The following SMCHD1 variants were observed in gnomAD, a reference collection of about 807,000 sequenced individuals.
SMCHD1 encodes structural maintenance of chromosomes flexible hinge domain containing 1.
SMCHD1 carries 78 observed loss-of-function variants against 254.7 expected under a neutral mutation model. That is an observed-to-expected ratio of 0.31 (90% CI 0.26 to 0.37). The LOEUF (loss-of-function observed/expected upper bound fraction) is 0.37. Among genes scored for constraint, SMCHD1 ranks in the 10% least tolerant of loss-of-function variants. The pLI, the probability that SMCHD1 is intolerant of heterozygous loss-of-function variation, is 1.00. For missense variants in SMCHD1, 1,840 were observed against 2,408.1 expected, an observed-to-expected ratio of 0.76 and a Z score of 4.94; for synonymous variants, 766 against 794.9, an observed-to-expected ratio of 0.96 and a Z score of 0.61.
At chr18:2,768,230 A>G (rs1438089839) in intron 37 of SMCHD1, among the ~76,000 whole-genome samples, 1 of 152,196 alleles carries the variant, frequency 6.6e-6, no homozygotes, top group Non-Finnish European at 1.5e-5. Flanking sequence ...ATTAATGGAA[A>G]AGAAAATATA....
intron 34 of SMCHD1, among the ~76,000 whole-genome samples, chr18:2,757,973 G>T (rs192285266): frequency 6.6e-6 from 1 of 151,932 alleles, no homozygotes; most frequent in Non-Finnish European, 1.5e-5. Flanking sequence ...GTTTACTTTG[G>T]TAATAGTATA....
chr18:2,709,126 T>A (rs951167017), intron 17 of SMCHD1, among the ~76,000 whole-genome samples: 6 of 150,088 alleles, frequency 4.0e-5, no homozygotes, highest in Admixed American at 6.7e-5. Flanking sequence ...GGAATTATAT[T>A]TGTCCTTTGT....
intron 14 of SMCHD1, 76 bp from the exon 15 acceptor site, chr18:2,706,288 A>G (rs1302226253): frequency 1.0e-6 from 1 of 981,844 alleles, no homozygotes; most frequent in African/African-American, 1.7e-5. Context: ...TTTGGAAGAA[A>G]CAAATGGGTG....
chr18:2,752,608 A>G, intron 34 of SMCHD1, 56 bp downstream of exon 34: 1 of 1,167,384 alleles, frequency 8.6e-7, no homozygotes, highest in Non-Finnish European at 1.3e-6. Flanking sequence ...AAGTAATTCA[A>G]CCCTGGAGAT....
chr18:2,740,097 C>T lies in SMCHD1; in HGVS notation c.3514+577C>T, dbSNP rs116587288. Among the ~76,000 whole-genome samples the T allele has an allele frequency of 6.2e-3, 941 of 151,624 alleles. 10 individuals carry two copies. Among genetic ancestry groups the T allele is most frequent in the African/African-American group, 0.022 (888 of 41,026 alleles). On this transcript the variant is annotated intron_variant, in intron 27 of 47. Coordinates refer to ENST00000320876, the MANE Select transcript of SMCHD1 (RefSeq NM_015295.3). ...TGTCCCTCCCCTAGCCCCGACTCCC[C>T]GACAGGCCCTGGTGTGTAATGTTCC...
At chr18:2,792,930 A>G (rs1231501503) in intron 45 of SMCHD1, among the ~76,000 whole-genome samples, 2 of 152,114 alleles carry the variant, frequency 1.3e-5, no homozygotes, top group East Asian at 3.9e-4. Context: ...TTTCATTTAT[A>G]CCCACCCTGT....
chr18:2,735,934 C>T (rs1194238056), intron 25 of SMCHD1, among the ~76,000 whole-genome samples: 1 of 152,058 alleles, frequency 6.6e-6, no homozygotes, highest in Non-Finnish European at 1.5e-5. Flanking sequence ...TAAAAAAGAG[C>T]TCAAATAGCC....
At chr18:2,787,605 A>G (rs1012418676) in intron 45 of SMCHD1, among the ~76,000 whole-genome samples, 14 of 152,374 alleles carry the variant, frequency 9.2e-5, no homozygotes, top group African/African-American at 3.1e-4. Flanking sequence ...CCTAGACTCT[A>G]TACCTAAGCA....
intron 17 of SMCHD1, among the ~76,000 whole-genome samples, chr18:2,708,908 A>AT (rs376004447): frequency 0.13 from 6,866 of 52,378 alleles, 772 homozygotes; most frequent in South Asian, 0.17. Context: ...ATATATATAT[A>AT]ACATATTAAC....
intron 29 of SMCHD1, among the ~76,000 whole-genome samples, chr18:2,744,804 G>A (rs927632328): frequency 1.3e-5 from 2 of 152,066 alleles, no homozygotes; most frequent in Non-Finnish European, 2.9e-5. Context: ...TTATGGAATA[G>A]CAGGGCTTTA....
At chr18:2,762,714 C>T (rs1014083983) in intron 36 of SMCHD1, among the ~76,000 whole-genome samples, 3 of 152,054 alleles carry the variant, frequency 2.0e-5, no homozygotes, top group Non-Finnish European at 2.9e-5. Context: ...TCTTGAAATC[C>T]TGACCTCATG....
intron 45 of SMCHD1, among the ~76,000 whole-genome samples, chr18:2,787,132 C>T (rs917408058): frequency 6.6e-5 from 10 of 152,142 alleles, no homozygotes; most frequent in African/African-American, 2.4e-4. Context: ...TGCTTCCTAT[C>T]ACAGTAGATG....
intron 19 of SMCHD1, among the ~76,000 whole-genome samples, chr18:2,720,037 T>C (rs1016005931): frequency 2.0e-5 from 3 of 151,740 alleles, no homozygotes; most frequent in Non-Finnish European, 4.4e-5. Context: ...ATGTTGCCCA[T>C]TTCGGCCTCA....
At chr18:2,692,726 C>T (rs1447534322) in intron 7 of SMCHD1, among the ~76,000 whole-genome samples, 2 of 152,200 alleles carry the variant, frequency 1.3e-5, no homozygotes, top group Non-Finnish European at 2.9e-5. Flanking sequence ...GGGTGACTGT[C>T]ACCCTCGTTT....
Position 2,747,558 on chromosome 18 carries a change from C to G in SMCHD1, c.3838C>G (p.Pro1280Ala), listed in dbSNP as rs1322896954. The change falls in exon 30 of 48, where the codon CCT becomes GCT. Residue 1280 changes from proline to alanine, a missense_variant. Transcript: ENST00000320876. ...GATTAATGGAAGAGATTTACAGAAC[C>G]CTATTATTGTTCAACTTTGTGATCA... ...PVINGRDLQN[P>A]IIVQLCDQWD... The G allele has an allele frequency of 1.9e-6, 3 of 1,608,042 alleles. No homozygotes were observed. The highest frequency in any genetic ancestry group is 2.6e-6 in the Non-Finnish European group (3 of 1,175,578).
At chr18:2,694,142 C>G (rs2074239678) in intron 7 of SMCHD1, among the ~76,000 whole-genome samples, 1 of 152,170 alleles carries the variant, frequency 6.6e-6, no homozygotes, top group South Asian at 2.1e-4. Flanking sequence ...GAGGGCTGGG[C>G]ATTGGTCCTG....
intron 37 of SMCHD1, among the ~76,000 whole-genome samples, chr18:2,766,001 CT>C (rs199648859): frequency 1.5e-5 from 2 of 135,874 alleles, no homozygotes; most frequent in African/African-American, 2.6e-5. Flanking sequence ...GTCCAGTTTT[CT>C]TTTTTTTTGG....
chr18:2,667,064 T>C lies in SMCHD1; in HGVS notation c.424+33T>C, dbSNP rs648105. 0.065 allele frequency: 95,952 copies of C among 1,472,766 alleles called. 11,723 individuals are homozygous for C. Among genetic ancestry groups the C allele is most frequent in the African/African-American group, 0.53 (37,611 of 71,584 alleles). The allele number at this position is 1,472,766 out of a possible 1,614,324, so 91.2% of individuals were successfully genotyped here. On this transcript the variant is annotated intron_variant, in intron 3 of 47. Transcript: ENST00000320876. The stretch of plus-strand genomic sequence containing the variant: ...TCCCATTCATACTAATTTTGATAAA[T>C]TATTACCTGCCTTTATCCCCTGATT...
At chr18:2,663,829 C>T (rs1259362488) in intron 1 of SMCHD1, among the ~76,000 whole-genome samples, 3 of 152,062 alleles carry the variant, frequency 2.0e-5, no homozygotes, top group Admixed American at 6.6e-5. Flanking sequence ...ATTCTCCTGC[C>T]TCAGCCTCCC....
Sources: gnomAD v4.1 joint callset for allele counts (sites outside exome capture counted in the v4.1 genomes callset) on GRCh38, gnomAD v4.1.1 for gene constraint, MANE v1.5 for transcripts, NCBI Gene and HGNC (gene_info 2026-07-23, HGNC 2026-07-21) for gene names.